UGT2B11: variants seen among roughly 807,000 people sequenced by gnomAD.
The protein encoded by UGT2B11 is UDP-glucuronosyltransferase 2B11.
UGT2B11 carries 49 observed loss-of-function variants against 51.7 expected under a neutral mutation model. That is an observed-to-expected ratio of 0.95 (90% CI 0.75 to 1.20). The LOEUF (loss-of-function observed/expected upper bound fraction) is 1.20, where lower values mean the gene tolerates loss of function less well. Among genes scored for constraint, UGT2B11 ranks in the 50% most tolerant of loss-of-function variants. The pLI is 0.00. For missense variants in UGT2B11, 810 were observed against 622.1 expected (o/e 1.30, Z -3.21); for synonymous variants, 273 against 209.0 (o/e 1.31, Z -2.64).
intron 3 of UGT2B11, among the ~76,000 whole-genome samples, chr4:69,206,751 T>C (rs1721874557): frequency 6.6e-6 from 1 of 151,708 alleles, no homozygotes; most frequent in Admixed American, 6.6e-5. Context: ...TAATGACCTG[T>C]ATGTTTGTTT....
rs554506304 is a variant in UGT2B11, at chr4:69,212,412, C to T, written c.870+161G>A. Among the ~76,000 whole-genome samples the T allele has an allele frequency of 1.4e-3, 206 of 151,724 alleles. 1 individual carries two copies. Among genetic ancestry groups the T allele is most frequent in the African/African-American group, 3.7e-3 (154 of 41,466 alleles). On this transcript the variant is annotated intron_variant, in intron 2 of 5. Transcript: ENST00000446444. The stretch of plus-strand genomic sequence containing the variant: ...ATGCATAAAACTCACATACGTGTGA[C>T]GGTATTAACATATACATGAGTTTCT...
intron 5 of UGT2B11, among the ~76,000 whole-genome samples, chr4:69,204,144 G>A (rs1204536769): frequency 6.7e-6 from 1 of 149,072 alleles, no homozygotes; most frequent in Non-Finnish European, 1.5e-5. Context: ...TTCTTCTATG[G>A]ATTCATGTTA....
At chr4:69,217,410 T>C (rs4296740), upstream of UGT2B11, among the ~76,000 whole-genome samples, 119,725 of 151,996 alleles carry the variant, frequency 0.79, 47,335 homozygotes, top group Non-Finnish European at 0.82. Flanking sequence ...AAATATTGCC[T>C]GCAGAGTGGC....
At chr4:69,217,080 C>G (rs147579456), upstream of UGT2B11, among the ~76,000 whole-genome samples, 1,349 of 152,166 alleles carry the variant, frequency 8.9e-3, 28 homozygotes, top group African/African-American at 0.031. Flanking sequence ...ATTACAGTTA[C>G]TTTGCTTCAT....
upstream of UGT2B11, among the ~76,000 whole-genome samples, chr4:69,217,487 G>A (rs1213429967): frequency 1.3e-5 from 2 of 151,774 alleles, no homozygotes; most frequent in African/African-American, 2.4e-5. Context: ...TTTCCCTTTG[G>A]GAATATACAA....
rs760021665 is a variant in UGT2B11 at position 69,214,509 on chromosome 4, G to C, written c.214C>G (p.Leu72Val). ...GATGTAGGATAAACTTCAAATTTAA[G>C]AGTGGATGCATCATTGGGATCAAAA... ...ILFDPNDAST[L>V]KFEVYPTSLT... Residue 72 changes from leucine to valine, a missense_variant, in exon 1 of 6, where the codon CTT becomes GTT. Transcript: ENST00000446444. The C allele has an allele frequency of 1.2e-6, 2 of 1,613,088 alleles. No individual in the cohort carries two copies. The highest frequency in any genetic ancestry group is 4.5e-5 in the East Asian group (2 of 44,792).
chr4:69,222,856 T>A, the UGT2B11 span, among the ~76,000 whole-genome samples: 1 of 152,218 alleles, frequency 6.6e-6, no homozygotes, highest in Admixed American at 6.5e-5. Flanking sequence ...GGGTGCCTTA[T>A]AAGCACCCAA....
At chr4:69,215,585 T>G (rs1012514366), upstream of UGT2B11, 1 of 152,080 alleles carries the variant, frequency 6.6e-6, no homozygotes, top group Non-Finnish European at 1.5e-5. Flanking sequence ...TTGATTAACA[T>G]TGATGTGCAT....
chr4:69,205,549 C>G lies in UGT2B11; in HGVS notation c.1021G>C (p.Gly341Arg). 2.5e-6 allele frequency: 4 copies of G among 1,610,052 alleles called. No individual in the cohort carries two copies. The highest frequency in any genetic ancestry group is 1.1e-5 in the South Asian group (1 of 90,934). Residue 341 changes from glycine (G) to arginine (R), a missense_variant, in exon 4 of 6, where the codon GGG (glycine) becomes CGG (arginine). Gly to Arg is a moderately radical substitution (Grantham distance 125, BLOSUM62 -2). Transcript: ENST00000446444. Reference sequence around the variant, plus strand: ...AGACCTAAGGCATCTGGTTTATTCCCGTCAAATCTCCACAGAACCTGTTAC... The same window carrying G: ...AGACCTAAGGCATCTGGTTTATTCCGGTCAAATCTCCACAGAACCTGTTAC... ...IPQKVLWRFD[G>R]NKPDALGLNT...
intron 1 of UGT2B11, 136 bp downstream of exon 1, chr4:69,213,866 A>G (rs754576379): frequency 1.6e-6 from 2 of 1,240,746 alleles, no homozygotes; most frequent in Non-Finnish European, 2.1e-6. Context: ...TGAGATTGAT[A>G]GATCATCTTG....
chr4:69,202,866 G>A (rs1036385621), intron 5 of UGT2B11, among the ~76,000 whole-genome samples: 4 of 151,098 alleles, frequency 2.6e-5, no homozygotes, highest in African/African-American at 9.7e-5. Context: ...ATTTTCTTTG[G>A]GATAAAGTAT....
chr4:69,224,885 A>C, the UGT2B11 span, among the ~76,000 whole-genome samples: 1 of 152,186 alleles, frequency 6.6e-6, no homozygotes, highest in African/African-American at 2.4e-5. Flanking sequence ...GGCGGGAAAT[A>C]CATGTGTGGG....
upstream of UGT2B11, among the ~76,000 whole-genome samples, chr4:69,219,599 A>C (rs1159808402): frequency 6.6e-6 from 1 of 152,172 alleles, no homozygotes; most frequent in East Asian, 1.9e-4. Flanking sequence ...ATGGCTTGGG[A>C]GGCCTCGCAA....
intron 2 of UGT2B11, among the ~76,000 whole-genome samples, chr4:69,210,140 T>C (rs1411441230): frequency 6.6e-6 from 1 of 151,544 alleles, no homozygotes. Flanking sequence ...CTCACTTTAT[T>C]TGTACTATGG....
At chr4:69,200,849 G>A (rs535811408) in intron 5 of UGT2B11, 130 bp from the exon 6 acceptor site, 13 of 1,174,288 alleles carry the variant, frequency 1.1e-5, no homozygotes, top group Admixed American at 3.4e-5. Context: ...GAGAATTTGT[G>A]TATTTTAATT....
intron 3 of UGT2B11, among the ~76,000 whole-genome samples, chr4:69,207,095 A>C (rs1378300190): frequency 2.0e-5 from 3 of 151,558 alleles, no homozygotes. Context: ...GAAATGAGGA[A>C]CCTTTTGGTA....
Position 69,212,585 on chromosome 4 carries a change from T to C in UGT2B11, c.858A>G (p.Lys286=). The C allele has an allele frequency of 6.2e-7, 1 of 1,607,930 alleles. No homozygotes were observed. The highest frequency in any genetic ancestry group is 1.3e-5 in the African/African-American group (1 of 74,456). Residue 286 remains lysine (K), a synonymous_variant, in exon 2 of 6, where the codon AAA becomes AAG. Coordinates refer to ENST00000446444, the MANE Select transcript of UGT2B11 (RefSeq NM_001073.3). ...FVGGFHCKPA[K]PLPKEMEEFV... Reference sequence around the variant, plus strand: ...AAAGTATGTTTACCTTAGGTAGGGGTTTGGCAGGTTTGCAGTGGAATCCTC... The same window carrying C: ...AAAGTATGTTTACCTTAGGTAGGGGCTTGGCAGGTTTGCAGTGGAATCCTC...
In UGT2B11 at chr4:69,214,447, T is replaced by C. The variant is rs760972486; in HGVS notation, c.276A>G (p.Gln92=). ...GAATGTCTGACCATCTCTTAACCTG[T>C]TGCATGATGATATTCTCAAATTCAG... ...TKTEFENIIM[Q]QVKRWSDIRK... Residue 92 remains glutamine, a synonymous_variant, in exon 1 of 6, where the codon CAA becomes CAG. Coordinates refer to ENST00000446444, the MANE Select transcript of UGT2B11 (RefSeq NM_001073.3). 1.9e-6 allele frequency: 3 copies of C among 1,613,266 alleles called. No individual in the cohort carries two copies. Among genetic ancestry groups the C allele is most frequent in the Non-Finnish European group, 2.5e-6 (3 of 1,179,520 alleles).
chr4:69,214,564 C>A lies in UGT2B11; in HGVS notation c.159G>T (p.Val53=). Residue 53 remains valine, a synonymous_variant, in exon 1 of 6, where the codon GTG becomes GTT. Coordinates refer to ENST00000446444, the MANE Select transcript of UGT2B11 (RefSeq NM_001073.3). The part of the protein sequence containing the change: ...LKELVQRGHE[V]TVLASSASIL... ...TGGAAGCTGAAGATGCCAGTACAGT[C>A]ACCTCATGACCTCTCTGAACAAGCT... is the stretch of plus-strand genomic sequence containing the variant. The A allele has an allele frequency of 6.2e-7, 1 of 1,613,298 alleles. No homozygotes were observed. The highest frequency in any genetic ancestry group is 8.5e-7 in the Non-Finnish European group (1 of 1,179,506).
Sources: gnomAD v4.1 joint callset for allele counts (sites outside exome capture counted in the v4.1 genomes callset) on GRCh38, gnomAD v4.1.1 for gene constraint, MANE v1.5 for transcripts, NCBI Gene and HGNC (gene_info 2026-07-23, HGNC 2026-07-21) for gene names.